PITPNM2: variants seen among roughly 807,000 people sequenced by gnomAD.
The protein encoded by PITPNM2 is membrane-associated phosphatidylinositol transfer protein 2.
PITPNM2 carries 35 observed loss-of-function variants against 132.2 expected under a neutral mutation model. The ratio of observed to expected loss-of-function variants is 0.26; its 90% CI spans 0.20 to 0.35. PITPNM2 has a LOEUF of 0.35. Ranked by LOEUF, PITPNM2 falls within the 10% of genes least tolerant of loss-of-function variation. PITPNM2 has a pLI of 1.00. For missense variants in PITPNM2, 1,332 were observed against 1,912.0 expected (o/e 0.70, Z 5.66); for synonymous variants, 738 against 799.2 (o/e 0.92, Z 1.29).
At chr12:123,142,202 G>C (rs1201359420) in intron 1 of PITPNM2, among the ~76,000 whole-genome samples, 4 of 152,208 alleles carry the variant, frequency 2.6e-5, no homozygotes, top group Non-Finnish European at 5.9e-5. Flanking sequence ...CAGGACAGGA[G>C]CTCAGCTGCA....
intron 2 of PITPNM2, among the ~76,000 whole-genome samples, chr12:123,102,612 G>C (rs149704832): frequency 7.2e-5 from 11 of 152,100 alleles, no homozygotes; most frequent in Non-Finnish European, 1.6e-4. Context: ...GTGTAAAGAC[G>C]ACAACTGATT....
chr12:123,095,463 A>G lies in PITPNM2; in HGVS notation c.-96+14922T>C, dbSNP rs1474682614. Reference sequence around the variant, plus strand: ...GTTAAAGCGCAAAGATCTTTCAGGTACTCAACAAAGCAAGATGTCGTGATG... The same window carrying G: ...GTTAAAGCGCAAAGATCTTTCAGGTGCTCAACAAAGCAAGATGTCGTGATG... On this transcript the variant is annotated intron_variant, in intron 2 of 25. Coordinates refer to ENST00000320201, the MANE Select transcript of PITPNM2 (RefSeq NM_020845.3). The surrounding 1 kb of genome is among the most constrained non-coding windows in gnomAD (Gnocchi z 5.0). 6.6e-6 allele frequency among the ~76,000 whole-genome samples: 1 copy of G among 152,150 alleles called. No homozygotes were observed. Among genetic ancestry groups the G allele is most frequent in the Non-Finnish European group, 1.5e-5 (1 of 68,016 alleles).
intron 2 of PITPNM2, among the ~76,000 whole-genome samples, chr12:123,050,435 G>C (rs979183158): frequency 7.2e-5 from 11 of 152,186 alleles, no homozygotes; most frequent in African/African-American, 2.4e-4. Flanking sequence ...CAGTGAGTCA[G>C]GGCAGAATGG....
At chr12:123,123,429 T>C (rs560092159) in intron 1 of PITPNM2, among the ~76,000 whole-genome samples, 15 of 152,076 alleles carry the variant, frequency 9.9e-5, no homozygotes, top group Middle Eastern at 3.4e-3. Flanking sequence ...CTAGCCAACA[T>C]AGCAAGACTC....
Position 123,048,558 on chromosome 12 carries a change from G to A in PITPNM2, c.-95-13873C>T, listed in dbSNP as rs530408535. Among the ~76,000 whole-genome samples, 53 of 152,128 alleles carry A rather than the reference G, an allele frequency of 3.5e-4. 1 individual carries two copies. The highest frequency in any genetic ancestry group is 1.5e-3 in the South Asian group (7 of 4,812). On this transcript the variant is annotated intron_variant, in intron 2 of 25. Transcript: ENST00000320201. ...CTCCCGAGTAGCTGGGACTACAGGC[G>A]CCCGCCACCGCGCCCGGCTAATTTT...
At chr12:123,112,690 A>G (rs1767905481) in intron 1 of PITPNM2, among the ~76,000 whole-genome samples, 2 of 151,998 alleles carry the variant, frequency 1.3e-5, no homozygotes, top group South Asian at 4.2e-4. Flanking sequence ...GGCGACTGCC[A>G]CCACGCCTGG....
At chr12:123,047,766 G>C (rs902198231) in intron 2 of PITPNM2, among the ~76,000 whole-genome samples, 37 of 152,084 alleles carry the variant, frequency 2.4e-4, no homozygotes, top group East Asian at 1.9e-4. Flanking sequence ...AGAAAAAAAG[G>C]GTGGGGGGAA....
At chr12:123,142,455 A>C (rs1164858656) in intron 1 of PITPNM2, among the ~76,000 whole-genome samples, 1 of 152,184 alleles carries the variant, frequency 6.6e-6, no homozygotes, top group Non-Finnish European at 1.5e-5. Flanking sequence ...AATAGGTGAG[A>C]GTGCTTTCAG....
rs1208871547 is a variant in PITPNM2 at position 123,036,852 on chromosome 12, TC to T, written c.-95-2168del. On this transcript the variant is annotated intron_variant, in intron 2 of 25. Coordinates refer to ENST00000320201, the MANE Select transcript of PITPNM2 (RefSeq NM_020845.3). This position sits in a 1 kb window ranked among gnomAD's most constrained non-coding sequence, Gnocchi z 4.1. ...ATAAGGACTCTTGCTAGGAGGGGCT[TC>T]CCCTCTCCTGCGACCTGTCCACCAG... 6.6e-6 allele frequency among the ~76,000 whole-genome samples: 1 copy of T among 152,120 alleles called. No homozygotes were observed. The highest frequency in any genetic ancestry group is 2.4e-5 in the African/African-American group (1 of 41,420).
At chr12:123,124,963 A>AT (rs137858568) in intron 1 of PITPNM2, among the ~76,000 whole-genome samples, 1 of 151,888 alleles carries the variant, frequency 6.6e-6, no homozygotes, top group African/African-American at 2.4e-5. Context: ...CGTTAAAAAA[A>AT]TTTTTTTTAT....
intron 2 of PITPNM2, among the ~76,000 whole-genome samples, chr12:123,086,499 T>G (rs1393379607): frequency 1.3e-5 from 2 of 152,220 alleles, no homozygotes; most frequent in Non-Finnish European, 2.9e-5. Flanking sequence ...CCCTTAATGC[T>G]GGCCAGGAGG....
At chr12:122,991,897 G>T in intron 16 of PITPNM2, 1 of 1,310,246 alleles carries the variant, frequency 7.6e-7, no homozygotes, top group Non-Finnish European at 9.7e-7. Flanking sequence ...GCACGGTCTC[G>T]ACTGGAGGCA....
intron 2 of PITPNM2, chr12:123,091,665 T>C (rs1252382020): frequency 6.6e-6 from 1 of 152,190 alleles, no homozygotes; most frequent in African/African-American, 2.4e-5. Flanking sequence ...TGCTGATATT[T>C]TGGAAGAGGC....
chr12:123,075,676 C>G (rs1339045010), intron 2 of PITPNM2: 2 of 152,278 alleles, frequency 1.3e-5, no homozygotes, highest in Non-Finnish European at 2.9e-5. Context: ...TCCCACCTCT[C>G]CAAGCTGCTC....
chr12:123,025,431 ATT>A (rs539043052), intron 3 of PITPNM2, among the ~76,000 whole-genome samples: 3,601 of 135,964 alleles, frequency 0.026, 57 homozygotes, highest in South Asian at 0.055. Flanking sequence ...TGTGGACCAG[ATT>A]TTTTTTTTTT....
rs1018482669 is a variant in PITPNM2, at chr12:123,078,082, G to A, written c.-96+32303C>T. ...CCGGAGGAAGGGAGAAAGGCAGGCCGGAGAGGAAGGGGTGGGGAGCGGAGA... is the reference window on the plus strand; with the variant it reads ...CCGGAGGAAGGGAGAAAGGCAGGCCAGAGAGGAAGGGGTGGGGAGCGGAGA... On this transcript the variant is annotated intron_variant, in intron 2 of 25. Coordinates refer to ENST00000320201, the MANE Select transcript of PITPNM2 (RefSeq NM_020845.3). This position sits in a 1 kb window ranked among gnomAD's most constrained non-coding sequence, Gnocchi z 7.3. Among the ~76,000 whole-genome samples, 2 of 152,186 alleles carry A rather than the reference G, an allele frequency of 1.3e-5. No homozygotes were observed. The highest frequency in any genetic ancestry group is 2.4e-5 in the African/African-American group (1 of 41,444).
chr12:123,085,199 T>G (rs911454546), intron 2 of PITPNM2, among the ~76,000 whole-genome samples: 1 of 152,200 alleles, frequency 6.6e-6, no homozygotes, highest in African/African-American at 2.4e-5. Flanking sequence ...ATCCAGGAGC[T>G]GAGGAGTAAC....
intron 1 of PITPNM2, among the ~76,000 whole-genome samples, chr12:123,137,129 A>G (rs773174175): frequency 6.6e-6 from 1 of 152,148 alleles, no homozygotes; most frequent in African/African-American, 2.4e-5. Flanking sequence ...GCGGCTGCCC[A>G]TGTCATCCTC....
At chr12:123,056,248 G>A (rs545011588) in intron 2 of PITPNM2, among the ~76,000 whole-genome samples, 11 of 152,358 alleles carry the variant, frequency 7.2e-5, no homozygotes, top group African/African-American at 2.6e-4. Flanking sequence ...TGGCATGACA[G>A]TGGCCTCAGA....
Sources: allele counts gnomAD v4.1 joint callset (sites outside exome capture counted in the v4.1 genomes callset), GRCh38; gene constraint gnomAD v4.1.1; non-coding constraint Gnocchi (gnomAD v3.1); transcripts MANE v1.5; gene names NCBI Gene and HGNC (gene_info 2026-07-23, HGNC 2026-07-21).